The following GPRIN2 variants were observed in gnomAD, a reference collection of about 807,000 sequenced individuals.
The protein encoded by GPRIN2 is G protein regulated inducer of neurite outgrowth 2.
GPRIN2 carries 1 observed loss-of-function variant against 0.3 expected under a neutral mutation model. The ratio of observed to expected loss-of-function variants is 3.90; its 90% CI spans 1.39 to 18.51. The LOEUF (loss-of-function observed/expected upper bound fraction) is 18.51. GPRIN2 is among the 30% of genes most tolerant of loss of function. The probability of loss-of-function intolerance (pLI) is 0.11; values close to 1 mark genes in which losing one functional copy is unlikely to be tolerated. For missense variants in GPRIN2, 880 were observed against 604.2 expected, an observed-to-expected ratio of 1.46 and a Z score of -4.79; for synonymous variants, 361 against 258.6, an observed-to-expected ratio of 1.40 and a Z score of -3.80.
chr10:46,557,082 C>G (rs1171441416), upstream of GPRIN2, among the ~76,000 whole-genome samples: 2 of 151,634 alleles, frequency 1.3e-5, no homozygotes, highest in East Asian at 3.9e-4. Flanking sequence ...GGTCTCCGCG[C>G]CGGCGGCTAC....
rs1476138283 is a variant in GPRIN2, at chr10:46,547,991, C to A, written c.*1369G>T. Among the ~76,000 whole-genome samples, 3 of 152,422 alleles carry A rather than the reference C, an allele frequency of 2.0e-5. No individual in the cohort carries two copies. The South Asian group carries it at 6.2e-4, about 32-fold the overall frequency. On this transcript the variant is annotated 3_prime_UTR_variant, in exon 3 of 3. Transcript: ENST00000374314. Reference sequence around the variant, plus strand: ...TTTCCACCTCAATGAGTACCAGGTCCTTGAGGATGGGGAAAAGTAAGCCAC... The same window carrying A: ...TTTCCACCTCAATGAGTACCAGGTCATTGAGGATGGGGAAAAGTAAGCCAC...
At chr10:46,553,049 C>T (rs1842789770) in intron 2 of GPRIN2, among the ~76,000 whole-genome samples, 1 of 152,306 alleles carries the variant, frequency 6.6e-6, no homozygotes. Flanking sequence ...CCTTTGCATA[C>T]ATTGTCTCAT....
At chr10:46,551,661 C>A (rs1254942438) in intron 2 of GPRIN2, among the ~76,000 whole-genome samples, 1 of 152,426 alleles carries the variant, frequency 6.6e-6, no homozygotes, top group East Asian at 1.9e-4. Context: ...CCCCTCTTGC[C>A]CAGTGTACCT....
intron 2 of GPRIN2, among the ~76,000 whole-genome samples, chr10:46,554,182 C>A (rs1832008039): frequency 3.3e-5 from 5 of 152,424 alleles, no homozygotes; most frequent in South Asian, 4.1e-4. Context: ...CCCCTCCCAT[C>A]AAGAGCAGCT....
rs1359940087 is a variant in GPRIN2, at chr10:46,544,022, G to T, written c.*5338C>A. Among the ~76,000 whole-genome samples the T allele has an allele frequency of 6.6e-6, 1 of 152,258 alleles. No individual in the cohort carries two copies. The highest frequency in any genetic ancestry group is 2.4e-5 in the African/African-American group (1 of 41,462). ...TGTTCTTCTGCTTTATTATTCCCGT[G>T]TAGCCACAGCAACAGAACTGGCCCC... On this transcript the variant is annotated 3_prime_UTR_variant, in exon 3 of 3. Coordinates refer to ENST00000374314, the MANE Select transcript of GPRIN2 (RefSeq NM_001385282.1).
In GPRIN2 at chr10:46,542,905, C is replaced by T; in HGVS notation, c.*6455G>A. ...CCTGCCTAAAGCCAGCAGATGGGTG[C>T]CACCCACCTGATGTACCTCTCTAGC... On this transcript the variant is annotated 3_prime_UTR_variant, in exon 3 of 3. Coordinates refer to ENST00000374314, the MANE Select transcript of GPRIN2 (RefSeq NM_001385282.1). 6.6e-6 allele frequency among the ~76,000 whole-genome samples: 1 copy of T among 152,310 alleles called. No homozygotes were observed. Among genetic ancestry groups the T allele is most frequent in the African/African-American group, 2.4e-5 (1 of 41,488 alleles).
intron 2 of GPRIN2, among the ~76,000 whole-genome samples, chr10:46,553,551 C>T (rs898371632): frequency 2.6e-5 from 4 of 152,306 alleles, no homozygotes; most frequent in South Asian, 2.1e-4. Flanking sequence ...CCTGAGGAGA[C>T]AGGTGGAATG....
chr10:46,547,801 A>AG lies in GPRIN2; in HGVS notation c.*1558dup, dbSNP rs1335099374. Among the ~76,000 whole-genome samples, 1 of 152,306 alleles carries AG rather than the reference A, an allele frequency of 6.6e-6. No individual in the cohort carries two copies. The highest frequency in any genetic ancestry group is 1.5e-5 in the Non-Finnish European group (1 of 68,056). On this transcript the variant is annotated 3_prime_UTR_variant, in exon 3 of 3. Coordinates refer to ENST00000374314, the MANE Select transcript of GPRIN2 (RefSeq NM_001385282.1). ...AGGGACTGACAGCCCCAGAATCCCAAGGGGTGCACCTATGCATATGGGAAA... is the reference window on the plus strand; with the variant it reads ...AGGGACTGACAGCCCCAGAATCCCAAGGGGGTGCACCTATGCATATGGGAAA...
chr10:46,549,170 A>C lies in GPRIN2; in HGVS notation c.*190T>G. On this transcript the variant is annotated 3_prime_UTR_variant, in exon 3 of 3. Transcript: ENST00000374314. ...TGTGGCCCTTGGAAATCAAGCCCTT[A>C]AGAAAACAGCCCAGCTGTGTAGGGC... The C allele has an allele frequency of 1.4e-6, 1 of 711,636 alleles. No individual in the cohort carries two copies. The highest frequency in any genetic ancestry group is 4.2e-4 in the Middle Eastern group (1 of 2,400). 44.1% of individuals were successfully genotyped at this position (711,636 alleles called of 1,614,324 possible).
At chr10:46,555,856 C>T (rs1038798578) in intron 1 of GPRIN2, among the ~76,000 whole-genome samples, 1 of 152,310 alleles carries the variant, frequency 6.6e-6, no homozygotes, top group Non-Finnish European at 1.5e-5. Flanking sequence ...ACACACAGGC[C>T]CGTATGCAGT....
rs1191738913 is a variant in GPRIN2 at position 46,548,392 on chromosome 10, C to T, written c.*968G>A. 6.6e-6 allele frequency among the ~76,000 whole-genome samples: 1 copy of T among 152,302 alleles called. No individual in the cohort carries two copies. Among genetic ancestry groups the T allele is most frequent in the African/African-American group, 2.4e-5 (1 of 41,488 alleles). On this transcript the variant is annotated 3_prime_UTR_variant, in exon 3 of 3. Coordinates refer to ENST00000374314, the MANE Select transcript of GPRIN2 (RefSeq NM_001385282.1). The stretch of plus-strand genomic sequence containing the variant: ...CCTGTCCCCCTCCATTCCTGCCCTC[C>T]CTCCTTCCACAAACTGCACCAGCTG...
chr10:46,556,435 A>C (rs1843236944), intron 1 of GPRIN2, among the ~76,000 whole-genome samples, 63 bp downstream of exon 1: 2 of 152,276 alleles, frequency 1.3e-5, no homozygotes, highest in Non-Finnish European at 2.9e-5. Flanking sequence ...AGGCTCAGCA[A>C]GGGGGAGGTG....
Position 46,542,258 on chromosome 10 carries a change from A to G in GPRIN2, c.*7102T>C, listed in dbSNP as rs1189490759. Among the ~76,000 whole-genome samples, 2 of 152,306 alleles carry G rather than the reference A, an allele frequency of 1.3e-5. No homozygotes were observed. Among genetic ancestry groups the G allele is most frequent in the Non-Finnish European group, 2.9e-5 (2 of 68,052 alleles). Reference sequence around the variant, plus strand: ...TACCCCTCCCAGGGTTCCAGCCCCAACAGAGGCTCCCTGCTTGGGCCTTGC... The same window carrying G: ...TACCCCTCCCAGGGTTCCAGCCCCAGCAGAGGCTCCCTGCTTGGGCCTTGC... On this transcript the variant is annotated 3_prime_UTR_variant, in exon 3 of 3. Coordinates refer to ENST00000374314, the MANE Select transcript of GPRIN2 (RefSeq NM_001385282.1).
intron 1 of GPRIN2, among the ~76,000 whole-genome samples, chr10:46,555,153 G>A (rs1352665579): frequency 1.3e-5 from 2 of 152,306 alleles, no homozygotes; most frequent in African/African-American, 4.8e-5. Context: ...CGCCATGTTG[G>A]CCAGGCTGGT....
At position 46,549,983 on chromosome 10, in the gene GPRIN2, C is replaced by T; in HGVS notation, c.754G>A (p.Ala252Thr). The change falls in exon 3 of 3, where the codon GCC becomes ACC. Residue 252 changes from alanine (A) to threonine (T), a missense_variant. By Grantham distance (58) the Ala-to-Thr change is moderately conservative (BLOSUM62 0). Coordinates refer to ENST00000374314, the MANE Select transcript of GPRIN2 (RefSeq NM_001385282.1). Reference protein sequence around the residue: ...RAGGCCHALPATGILAFPKLV... With the variant: ...RAGGCCHALPTTGILAFPKLV... ...TTGGGAAAGGCCAGGATCCCTGTGG[C>T]AGGTAGGGCATGGCAGCAGCCACCA... is the stretch of plus-strand genomic sequence containing the variant. 1 of 1,614,114 alleles carries T rather than the reference C, an allele frequency of 6.2e-7. No homozygotes were observed. The highest frequency in any genetic ancestry group is 8.5e-7 in the Non-Finnish European group (1 of 1,179,982).
At chr10:46,550,856 G>T in intron 2 of GPRIN2, 114 bp from the exon 3 acceptor site, 2 of 1,229,208 alleles carry the variant, frequency 1.6e-6, no homozygotes, top group Non-Finnish European at 2.2e-6. Flanking sequence ...TTCAGTCCCA[G>T]CCTGCCTGAC....
At position 46,550,096 on chromosome 10, in the gene GPRIN2, T is replaced by C. The variant is rs1385323735; in HGVS notation, c.641A>G (p.Glu214Gly). The C allele has an allele frequency of 1.9e-6, 3 of 1,612,796 alleles. No individual in the cohort carries two copies. The African/African-American group carries it at 4.0e-5, about 22-fold the overall frequency. The change falls in exon 3 of 3, where the codon GAG (glutamate) becomes GGG (glycine). Residue 214 changes from glutamate to glycine, a missense_variant. Physicochemically the swap from Glu to Gly is moderately conservative, Grantham distance 98. Transcript: ENST00000374314. The part of the protein sequence containing the change: ...TTAHSSSAQA[E>G]PKAAEQLATT... ...AGCCAGCTGTTCAGCAGCTTTGGGCTCAGCCTGGGCACTGCTGCTGTGGGC... is the reference window on the plus strand; with the variant it reads ...AGCCAGCTGTTCAGCAGCTTTGGGCCCAGCCTGGGCACTGCTGCTGTGGGC...
chr10:46,549,367 G>A lies in GPRIN2; in HGVS notation c.1370C>T (p.Pro457Leu), dbSNP rs1842441871. ...PSCCGCSGAA[P>L]E is the part of the protein sequence containing the mutation. ...TCCAAGGGCCACAGCTCCTCACTCG[G>A]GGGCCGCGCCGGAGCAGCCGCAGCA... is the stretch of plus-strand genomic sequence containing the variant. Residue 457 changes from proline (P) to leucine (L), a missense_variant, in exon 3 of 3, where the codon CCC becomes CTC. Transcript: ENST00000374314. 8.1e-6 allele frequency: 12 copies of A among 1,475,724 alleles called. No homozygotes were observed. Among genetic ancestry groups the A allele is most frequent in the Non-Finnish European group, 1.1e-5 (12 of 1,115,628 alleles). The allele number at this position is 1,475,724 out of a possible 1,614,324, so 91.4% of individuals were successfully genotyped here. A position where few individuals can be genotyped will look rare whatever the true frequency, so the allele number is the denominator to read the frequency against.
In GPRIN2 at chr10:46,549,433, C is replaced by G. The variant is rs1221742174; in HGVS notation, c.1304G>C (p.Gly435Ala). ...EDSLSVEGRR[G>A]PLRAVMQSLR... The stretch of plus-strand genomic sequence containing the variant: ...GGACTGCATGACAGCCCGCAGTGGC[C>G]CCCTCCGGCCCTCCACAGACAGGCT... Residue 435 changes from glycine to alanine, a missense_variant, in exon 3 of 3, where the codon GGG becomes GCG. Coordinates refer to ENST00000374314, the MANE Select transcript of GPRIN2 (RefSeq NM_001385282.1). 3 of 1,591,246 alleles carry G rather than the reference C, an allele frequency of 1.9e-6. No individual in the cohort carries two copies. In the South Asian group the frequency reaches 3.4e-5, roughly 18 times the overall value.
Sources: allele counts gnomAD v4.1 joint callset (sites outside exome capture counted in the v4.1 genomes callset), GRCh38; gene constraint gnomAD v4.1.1; transcripts MANE v1.5; gene names NCBI Gene and HGNC (gene_info 2026-07-23, HGNC 2026-07-21).